The following STK33 variants were observed in gnomAD, a reference collection of about 807,000 sequenced individuals.
The protein encoded by STK33 is serine/threonine-protein kinase 33.
A neutral mutation model predicts 58.0 loss-of-function variants in STK33; 52 were observed. The observed-to-expected ratio is 0.90, with a 90% CI of 0.72 to 1.13. The LOEUF is 1.13. Ranked by LOEUF, STK33 falls within the 50% of genes most tolerant of loss-of-function variation. The pLI is 0.00. For missense variants in STK33, 630 were observed against 604.2 expected, an observed-to-expected ratio of 1.04 and a Z score of -0.45; for synonymous variants, 215 against 200.1, an observed-to-expected ratio of 1.07 and a Z score of -0.63.
chr11:8,512,281 C>T (rs765684747), intron 1 of STK33, among the ~76,000 whole-genome samples: 17 of 152,000 alleles, frequency 1.1e-4, no homozygotes, highest in Non-Finnish European at 1.8e-4. Flanking sequence ...TATTGGGCAC[C>T]TAATTTATAT....
chr11:8,587,136 A>G (rs1336234140), intron 1 of STK33, among the ~76,000 whole-genome samples: 1 of 152,250 alleles, frequency 6.6e-6, no homozygotes, highest in East Asian at 1.9e-4. Flanking sequence ...GAAAAGAGCT[A>G]TAACAGATTC....
rs2033066469 is a variant in STK33, at chr11:8,594,205, G to T, written c.-588C>A. 6.6e-6 allele frequency: 1 copy of T among 152,300 alleles called. No homozygotes were observed. 9.4% of individuals were successfully genotyped at this position (152,300 alleles called of 1,614,324 possible). On this transcript the variant is annotated 5_prime_UTR_variant, in exon 1 of 16. Transcript: ENST00000687296. ...GCAGAGCAACCGCAGGGCAGTGGAC[G>T]GGGGCCGCGCGAGGACAAACAGCGG...
At chr11:8,419,763 A>C (rs1350125943) in intron 14 of STK33, among the ~76,000 whole-genome samples, 1 of 152,090 alleles carries the variant, frequency 6.6e-6, no homozygotes, top group East Asian at 1.9e-4. Context: ...CTATATATTA[A>C]GTGAAAATAG....
chr11:8,446,400 A>G (rs1945470578), intron 11 of STK33, among the ~76,000 whole-genome samples: 1 of 151,816 alleles, frequency 6.6e-6, no homozygotes, highest in Admixed American at 6.6e-5. Flanking sequence ...GATCTTAGTT[A>G]TTTCTTGTCT....
At chr11:8,553,261 TC>T (rs1433037479) in intron 1 of STK33, among the ~76,000 whole-genome samples, 12 of 139,162 alleles carry the variant, frequency 8.6e-5, no homozygotes, top group Admixed American at 7.5e-5. Context: ...GATATATATA[TC>T]ATATATATAA....
intron 1 of STK33, among the ~76,000 whole-genome samples, chr11:8,482,728 A>G (rs1458693146): frequency 6.6e-6 from 1 of 151,470 alleles, no homozygotes; most frequent in Non-Finnish European, 1.5e-5. Flanking sequence ...TTTTTTATTT[A>G]TTTATTTATT....
intron 1 of STK33, among the ~76,000 whole-genome samples, chr11:8,545,300 T>C (rs1345179936): frequency 6.6e-6 from 1 of 152,154 alleles, no homozygotes; most frequent in African/African-American, 2.4e-5. Context: ...CTTTTCATCC[T>C]TTTTTACAGC....
the STK33 span, among the ~76,000 whole-genome samples, chr11:8,364,182 T>C: frequency 6.6e-6 from 1 of 152,240 alleles, no homozygotes; most frequent in Non-Finnish European, 1.5e-5. Context: ...ACTAAGTTCC[T>C]CTGCTGCACA....
intron 14 of STK33, among the ~76,000 whole-genome samples, chr11:8,432,254 G>A (rs1943513192): frequency 6.6e-6 from 1 of 152,160 alleles, no homozygotes; most frequent in African/African-American, 2.4e-5. Context: ...TGGGGAACTT[G>A]TTAAAAATGT....
intron 1 of STK33, among the ~76,000 whole-genome samples, chr11:8,591,377 C>G (rs906857069): frequency 1.3e-5 from 2 of 152,168 alleles, no homozygotes; most frequent in African/African-American, 4.8e-5. Context: ...TAGCTGGTCT[C>G]TTCATGGGAA....
intron 2 of STK33, among the ~76,000 whole-genome samples, chr11:8,477,671 G>C (rs192740021): frequency 7.0e-6 from 1 of 143,446 alleles, no homozygotes; most frequent in Non-Finnish European, 1.5e-5. Flanking sequence ...GATAGATTTT[G>C]GGGGATCTAA....
chr11:8,559,257 C>G (rs1956968920), intron 1 of STK33, among the ~76,000 whole-genome samples: 1 of 152,178 alleles, frequency 6.6e-6, no homozygotes, highest in African/African-American at 2.4e-5. Context: ...TCCCCAACAC[C>G]TTCAGCAGCC....
chr11:8,380,876 T>C, the STK33 span, among the ~76,000 whole-genome samples: 1 of 152,196 alleles, frequency 6.6e-6, no homozygotes, highest in South Asian at 2.1e-4. Context: ...AAATGTGGTA[T>C]ATATACACCG....
intron 1 of STK33, chr11:8,581,017 A>G (rs2030109797): frequency 6.6e-6 from 1 of 152,164 alleles, no homozygotes; most frequent in East Asian, 1.9e-4. Context: ...CCCTCAGCCT[A>G]TTATCCCTGA....
intron 1 of STK33, among the ~76,000 whole-genome samples, chr11:8,536,972 A>AAAC (rs1565305538): frequency 1.5e-5 from 1 of 65,734 alleles, no homozygotes; most frequent in Non-Finnish European, 2.5e-5. Flanking sequence ...AAAAAAAAAG[A>AAAC]TTTTTTTTTT....
the STK33 span, among the ~76,000 whole-genome samples, chr11:8,375,271 T>G: frequency 6.6e-6 from 1 of 152,340 alleles, no homozygotes; most frequent in African/African-American, 2.4e-5. Flanking sequence ...TGCAATAGGG[T>G]TTCCAATGTA....
chr11:8,380,201 C>T, the STK33 span, among the ~76,000 whole-genome samples: 2 of 152,122 alleles, frequency 1.3e-5, no homozygotes, highest in African/African-American at 4.8e-5. Context: ...TGAGGAATCA[C>T]CACACTGTTT....
intron 14 of STK33, among the ~76,000 whole-genome samples, chr11:8,426,033 C>G (rs953233279): frequency 6.6e-6 from 1 of 152,132 alleles, no homozygotes; most frequent in African/African-American, 2.4e-5. Context: ...TTAGTCAGCT[C>G]AATTAGACCC....
chr11:8,566,330 C>A (rs999311233), intron 1 of STK33, among the ~76,000 whole-genome samples: 3 of 152,204 alleles, frequency 2.0e-5, no homozygotes, highest in African/African-American at 7.2e-5. Context: ...TTTAAACAAT[C>A]TTAGACCCAC....
Sources: gnomAD v4.1 joint callset for allele counts (sites outside exome capture counted in the v4.1 genomes callset) on GRCh38, gnomAD v4.1.1 for gene constraint, MANE v1.5 for transcripts, NCBI Gene and HGNC (gene_info 2026-07-23, HGNC 2026-07-21) for gene names.